Variants in RFX3 observed in about 807,000 individuals in gnomAD.
The protein encoded by RFX3 is transcription factor RFX3.
RFX3 carries 14 observed loss-of-function variants against 98.6 expected under a neutral mutation model. That is an observed-to-expected ratio of 0.14 (90% CI 0.09 to 0.22). The LOEUF (loss-of-function observed/expected upper bound fraction) is 0.22. Among genes scored for constraint, RFX3 ranks in the 10% least tolerant of loss-of-function variants. The probability of loss-of-function intolerance (pLI) is 1.00; values close to 1 mark genes in which losing one functional copy is unlikely to be tolerated. For synonymous variants in RFX3, 383 were observed against 328.4 expected (o/e 1.17, Z -1.80); for missense variants, 639 against 926.9 (o/e 0.69, Z 4.03).
Position 3,491,649 on chromosome 9 carries a change from T to C in RFX3, c.-9+34098A>G, listed in dbSNP as rs1490476170. Among the ~76,000 whole-genome samples the C allele has an allele frequency of 2.0e-5, 3 of 152,212 alleles. No homozygotes were observed. In the East Asian group the frequency reaches 5.8e-4, roughly 29 times the overall value. ...ATAGGTTACAAATAAAACCTATTCT[T>C]TGAACATATCTTTCACTGTTTCATA... On this transcript the variant is annotated intron_variant, in intron 1 of 16. Coordinates refer to ENST00000617270, the MANE Select transcript of RFX3 (RefSeq NM_001282116.2).
At chr9:3,311,575 T>A (rs1034293972) in intron 4 of RFX3, among the ~76,000 whole-genome samples, 1 of 152,158 alleles carries the variant, frequency 6.6e-6, no homozygotes. Context: ...TCAAAATCAT[T>A]TGGGTACCTG....
At chr9:3,341,452 T>C (rs996896451) in intron 3 of RFX3, among the ~76,000 whole-genome samples, 1 of 151,984 alleles carries the variant, frequency 6.6e-6, no homozygotes, top group Non-Finnish European at 1.5e-5. Context: ...AGGTCATCAA[T>C]GACCTTGATA....
chr9:3,419,964 T>A (rs1271284894), intron 1 of RFX3, among the ~76,000 whole-genome samples: 1 of 152,170 alleles, frequency 6.6e-6, no homozygotes, highest in Non-Finnish European at 1.5e-5. Flanking sequence ...GAGAAATCAA[T>A]CAGCTTTTTC....
At chr9:3,390,383 T>G (rs1303462639) in intron 2 of RFX3, among the ~76,000 whole-genome samples, 2 of 152,144 alleles carry the variant, frequency 1.3e-5, no homozygotes, top group Admixed American at 1.3e-4. Context: ...GTCAGAAAAT[T>G]GTGAGAAAGT....
chr9:3,288,619 G>A (rs988079492), intron 6 of RFX3, among the ~76,000 whole-genome samples: 1 of 151,968 alleles, frequency 6.6e-6, no homozygotes, highest in Admixed American at 6.6e-5. Flanking sequence ...GTAAAAATTA[G>A]TTAACAGGCC....
At chr9:3,431,247 T>A (rs2132532351) in intron 1 of RFX3, among the ~76,000 whole-genome samples, 1 of 152,294 alleles carries the variant, frequency 6.6e-6, no homozygotes, top group African/African-American at 2.4e-5. Context: ...TCATCATATT[T>A]AGTGCAATGC....
At chr9:3,501,989 C>A (rs1446555364) in intron 1 of RFX3, among the ~76,000 whole-genome samples, 1 of 151,818 alleles carries the variant, frequency 6.6e-6, no homozygotes, top group Non-Finnish European at 1.5e-5. Context: ...CGGTGGCTCA[C>A]GCCTGTAATC....
intron 1 of RFX3, among the ~76,000 whole-genome samples, chr9:3,423,778 CATATATATATATATATATATAT>C (rs61209874): frequency 0.054 from 6,001 of 111,076 alleles, 531 homozygotes; most frequent in African/African-American, 0.18. Context: ...TATATATTTT[CATATATATATATATATATATAT>C]ATATATATAT....
intron 7 of RFX3, among the ~76,000 whole-genome samples, 164 bp downstream of exon 7, chr9:3,287,967 C>A (rs753020409): frequency 6.6e-6 from 1 of 151,870 alleles, no homozygotes; most frequent in Non-Finnish European, 1.5e-5. Flanking sequence ...GGAAAACAGG[C>A]GAGATCACTG....
At chr9:3,308,899 T>C (rs1586975319) in intron 4 of RFX3, among the ~76,000 whole-genome samples, 2 of 152,236 alleles carry the variant, frequency 1.3e-5, no homozygotes. Context: ...TCAGCTCCAC[T>C]AACCAAACTT....
At chr9:3,440,851 T>C (rs1845548904) in intron 1 of RFX3, among the ~76,000 whole-genome samples, 1 of 152,096 alleles carries the variant, frequency 6.6e-6, no homozygotes, top group African/African-American at 2.4e-5. Flanking sequence ...AAGTGTGCAA[T>C]AACTAAGACA....
intron 2 of RFX3, among the ~76,000 whole-genome samples, chr9:3,387,627 C>CTT (rs74782962): frequency 1.4e-4 from 21 of 146,916 alleles, no homozygotes; most frequent in African/African-American, 4.0e-4. Flanking sequence ...AAATCATTGT[C>CTT]TTTTTTTTTT....
chr9:3,522,671 C>G (rs992889485), intron 1 of RFX3, among the ~76,000 whole-genome samples: 3 of 151,158 alleles, frequency 2.0e-5, no homozygotes, highest in African/African-American at 2.4e-5. Context: ...ATCTGAAAAC[C>G]AAAAATCATT....
At chr9:3,327,041 T>C (rs891482810) in intron 4 of RFX3, among the ~76,000 whole-genome samples, 4 of 152,150 alleles carry the variant, frequency 2.6e-5, no homozygotes, top group African/African-American at 7.2e-5. Flanking sequence ...TGAACTTATA[T>C]GGTACAGATA....
chr9:3,457,366 A>C (rs1847285907), intron 1 of RFX3, among the ~76,000 whole-genome samples: 1 of 152,092 alleles, frequency 6.6e-6, no homozygotes, highest in South Asian at 2.1e-4. Context: ...CTAGGACATT[A>C]ACTAGTTGAG....
At chr9:3,375,916 C>T (rs1247380103) in intron 2 of RFX3, among the ~76,000 whole-genome samples, 1 of 151,794 alleles carries the variant, frequency 6.6e-6, no homozygotes, top group Admixed American at 6.6e-5. Flanking sequence ...GCTGAGATAG[C>T]GCCACTGCAC....
intron 2 of RFX3, among the ~76,000 whole-genome samples, chr9:3,350,526 A>G (rs1261042617): frequency 6.6e-6 from 1 of 152,128 alleles, no homozygotes; most frequent in Non-Finnish European, 1.5e-5. Context: ...AACACTAAAC[A>G]TAATCTAGTC....
At chr9:3,270,285 T>A (rs751129163) in intron 11 of RFX3, 86 bp downstream of exon 11, 1 of 1,321,546 alleles carries the variant, frequency 7.6e-7, no homozygotes, top group African/African-American at 1.5e-5. Context: ...ATTAGAATCA[T>A]TCTAGATTGC....
At chr9:3,499,749 T>C (rs1362414417) in intron 1 of RFX3, among the ~76,000 whole-genome samples, 1 of 152,154 alleles carries the variant, frequency 6.6e-6, no homozygotes, top group Non-Finnish European at 1.5e-5. Context: ...TATCATAAAA[T>C]ACCAAAGACC....
Sources: gnomAD v4.1 joint callset for allele counts (sites outside exome capture counted in the v4.1 genomes callset) on GRCh38, gnomAD v4.1.1 for gene constraint, MANE v1.5 for transcripts, NCBI Gene and HGNC (gene_info 2026-07-23, HGNC 2026-07-21) for gene names.